Variants in DDX24 observed in about 807,000 individuals in gnomAD.
The protein encoded by DDX24 is ATP-dependent RNA helicase DDX24.
A neutral mutation model predicts 68.9 loss-of-function variants in DDX24; 24 were observed. The observed-to-expected ratio is 0.35, with a 90% CI of 0.25 to 0.49. The LOEUF (loss-of-function observed/expected upper bound fraction) is 0.49. DDX24 is among the 20% of genes least tolerant of loss of function. The probability of loss-of-function intolerance (pLI) is 0.99; values close to 1 mark genes in which losing one functional copy is unlikely to be tolerated. For synonymous variants in DDX24, 395 were observed against 385.2 expected (o/e 1.03, Z -0.30); for missense variants, 989 against 1,039.0 (o/e 0.95, Z 0.66).
At chr14:94,058,994 T>C (rs998385727) in intron 5 of DDX24, among the ~76,000 whole-genome samples, 1 of 152,014 alleles carries the variant, frequency 6.6e-6, no homozygotes, top group African/African-American at 2.4e-5. Flanking sequence ...CCTAGCTACT[T>C]AGGAGGCTAA....
rs1259983612 is a variant in DDX24 at position 94,079,202 on chromosome 14, T to A, written c.541A>T (p.Ile181Phe). 6.2e-7 allele frequency: 1 copy of A among 1,614,206 alleles called. No homozygotes were observed. The highest frequency in any genetic ancestry group is 8.5e-7 in the Non-Finnish European group (1 of 1,180,034). ...GCTTTCTGATCATGAACTTCAGGAATCCATGTCTTCGCTTTTTTGGGCACC... is the reference window on the plus strand; with the variant it reads ...GCTTTCTGATCATGAACTTCAGGAAACCATGTCTTCGCTTTTTTGGGCACC... ...AKVPKKAKTW[I>F]PEVHDQKADV... Residue 181 changes from isoleucine (I) to phenylalanine (F), a missense_variant, in exon 2 of 9, where the codon ATT (isoleucine) becomes TTT (phenylalanine). This residue lies in a region of DDX24 where 295 missense variants were observed against 263.0 expected (regional missense o/e 1.12). Coordinates refer to ENST00000621632, the MANE Select transcript of DDX24 (RefSeq NM_020414.4).
chr14:94,076,680 CAAAA>C (rs35863241), intron 2 of DDX24, among the ~76,000 whole-genome samples: 3 of 100,182 alleles, frequency 3.0e-5, no homozygotes, highest in Non-Finnish European at 4.1e-5. Context: ...GACTCCGTCT[CAAAA>C]AAAAAAAAAA....
In DDX24 at chr14:94,076,480, C is replaced by T. The variant is rs533878791; in HGVS notation, c.718+2545G>A. On this transcript the variant is annotated intron_variant, in intron 2 of 8. Transcript: ENST00000621632. The stretch of plus-strand genomic sequence containing the variant: ...GGCAGGTCATGAGGGCAGGAGTTTG[C>T]GACCAGCCTGACCAACATAGTGAAA... Among the ~76,000 whole-genome samples the T allele has an allele frequency of 1.1e-4, 16 of 152,048 alleles. No individual in the cohort carries two copies. The East Asian group carries it at 1.2e-3, about 11-fold the overall frequency.
chr14:94,077,547 G>C (rs866855383), intron 2 of DDX24, among the ~76,000 whole-genome samples: 2 of 152,234 alleles, frequency 1.3e-5, no homozygotes, highest in African/African-American at 4.8e-5. Flanking sequence ...TGCTCTGTGA[G>C]GCTGAGTTTT....
In DDX24 at chr14:94,078,230, G is replaced by A. The variant is rs1020653090; in HGVS notation, c.718+795C>T. Among the ~76,000 whole-genome samples, 11 of 152,120 alleles carry A rather than the reference G, an allele frequency of 7.2e-5. 1 individual carries two copies. The highest frequency in any genetic ancestry group is 7.2e-4 in the Admixed American group (11 of 15,250). ...CTACACCATTTTATATCAGAGACTT[G>A]AGCATCCCTGGATTTTGGTATCCAA... is the stretch of plus-strand genomic sequence containing the variant. On this transcript the variant is annotated intron_variant, in intron 2 of 8. Coordinates refer to ENST00000621632, the MANE Select transcript of DDX24 (RefSeq NM_020414.4).
chr14:94,070,090 G>A (rs1885798523), intron 2 of DDX24, among the ~76,000 whole-genome samples: 1 of 152,134 alleles, frequency 6.6e-6, no homozygotes, highest in Admixed American at 6.5e-5. Context: ...GTTTGCTGAT[G>A]ATATGATCAT....
At chr14:94,059,357 T>C (rs1885548898) in intron 5 of DDX24, among the ~76,000 whole-genome samples, 2 of 152,154 alleles carry the variant, frequency 1.3e-5, no homozygotes, top group Admixed American at 6.5e-5. Flanking sequence ...GAATAAGAAA[T>C]AGCATGGGCT....
In DDX24 at chr14:94,051,064, T is replaced by A. The variant is rs889435580; in HGVS notation, c.*127A>T. The A allele has an allele frequency of 3.6e-6, 4 of 1,103,284 alleles. No individual in the cohort carries two copies. Among genetic ancestry groups the A allele is most frequent in the Admixed American group, 5.6e-5 (2 of 35,986 alleles). 68.3% of individuals were successfully genotyped at this position (1,103,284 alleles called of 1,614,324 possible). ...TGCATGAGGTCTCTCCCGCTATGGG[T>A]GTGAGTGGAAGAGAGGGAGACTTTT... On this transcript the variant is annotated 3_prime_UTR_variant, in exon 9 of 9. Transcript: ENST00000621632.
At chr14:94,068,074 G>C (rs953560072) in intron 2 of DDX24, among the ~76,000 whole-genome samples, 1 of 152,142 alleles carries the variant, frequency 6.6e-6, no homozygotes, top group Non-Finnish European at 1.5e-5. Flanking sequence ...CTGCAGAATG[G>C]ATGCAGAACT....
intron 5 of DDX24, among the ~76,000 whole-genome samples, chr14:94,058,383 C>G (rs895247533): frequency 6.6e-6 from 1 of 152,164 alleles, no homozygotes; most frequent in African/African-American, 2.4e-5. Context: ...TTCTTCAGCT[C>G]TCTGCTCAAT....
chr14:94,067,195 G>A (rs1885722456), intron 2 of DDX24, among the ~76,000 whole-genome samples: 1 of 151,916 alleles, frequency 6.6e-6, no homozygotes, highest in African/African-American at 2.4e-5. Flanking sequence ...GAAATGCTGG[G>A]GAAAGTCTCA....
intron 6 of DDX24, 22 bp from the exon 7 acceptor site, chr14:94,055,206 G>T: frequency 1.2e-6 from 2 of 1,607,502 alleles, no homozygotes; most frequent in Non-Finnish European, 1.7e-6. Flanking sequence ...AGAACTGGGA[G>T]ATCAATACAT....
At chr14:94,051,678 T>C (rs1421139567) in intron 8 of DDX24, 2 of 457,980 alleles carry the variant, frequency 4.4e-6, no homozygotes, top group African/African-American at 2.0e-5. Flanking sequence ...TGTCCTTTTT[T>C]ACTCCATAAA....
At chr14:94,076,771 T>TGAGG (rs1201517300) in intron 2 of DDX24, among the ~76,000 whole-genome samples, 19 of 147,488 alleles carry the variant, frequency 1.3e-4, no homozygotes, top group Non-Finnish European at 2.2e-4. Flanking sequence ...GAACAAGAAC[T>TGAGG]GAGGGAGGGA....
Position 94,060,919 on chromosome 14 carries a change from T to A in DDX24, c.1391A>T (p.Gln464Leu). The change falls in exon 4 of 9, where the codon CAG becomes CTG. Residue 464 changes from glutamine (Q) to leucine (L), a missense_variant. Around this residue, in one of 3 missense-constraint regions of DDX24, gnomAD observed 691 missense variants for 760.0 expected, o/e 0.91. Coordinates refer to ENST00000621632, the MANE Select transcript of DDX24 (RefSeq NM_020414.4). The stretch of plus-strand genomic sequence containing the variant: ...GAGAAGTGCCATCTATTACCTGAGC[T>A]GCCGAAGGTTCCTCAAATGATAATG... ...EKHYHLRNLR[Q>L]LRCLVVDEAD... 1 of 1,614,196 alleles carries A rather than the reference T, an allele frequency of 6.2e-7. No individual in the cohort carries two copies. The highest frequency in any genetic ancestry group is 1.1e-5 in the South Asian group (1 of 91,078).
chr14:94,075,929 T>C (rs1030316357), intron 2 of DDX24, among the ~76,000 whole-genome samples: 7 of 152,166 alleles, frequency 4.6e-5, no homozygotes, highest in Non-Finnish European at 5.9e-5. Context: ...AAGGAAATAA[T>C]AGTAAAATTT....
At chr14:94,060,673 A>C (rs1885578256) in intron 4 of DDX24, 60 bp from the exon 5 acceptor site, 1 of 1,574,042 alleles carries the variant, frequency 6.4e-7, no homozygotes, top group Non-Finnish European at 8.6e-7. Context: ...AATCATCTAT[A>C]GCACACCCTA....
rs903060258 is a variant in DDX24, at chr14:94,080,838, G to A, written c.-6+281C>T. Among the ~76,000 whole-genome samples the A allele has an allele frequency of 2.6e-5, 4 of 152,206 alleles. No homozygotes were observed. The East Asian group carries it at 7.7e-4, about 29-fold the overall frequency. ...AGGGCCTCTGTCTCCTCGTGACGCCGGTCCCGCGCGGCCCTCTCGCTTTGT... is the reference window on the plus strand; with the variant it reads ...AGGGCCTCTGTCTCCTCGTGACGCCAGTCCCGCGCGGCCCTCTCGCTTTGT... On this transcript the variant is annotated intron_variant, in intron 1 of 8. Coordinates refer to ENST00000621632, the MANE Select transcript of DDX24 (RefSeq NM_020414.4).
chr14:94,059,069 G>GA (rs977294542), intron 5 of DDX24, among the ~76,000 whole-genome samples: 2 of 150,776 alleles, frequency 1.3e-5, no homozygotes, highest in Non-Finnish European at 3.0e-5. Context: ...CCCCATCTTA[G>GA]AAAAAAAAAG....
Sources: gnomAD v4.1 joint callset for allele counts (sites outside exome capture counted in the v4.1 genomes callset) on GRCh38, gnomAD v4.1.1 for gene constraint, gnomAD v4.1.1 regional missense constraint, MANE v1.5 for transcripts, NCBI Gene and HGNC (gene_info 2026-07-23, HGNC 2026-07-21) for gene names.